ADAMTS17: variants seen among roughly 807,000 people sequenced by gnomAD.
ADAMTS17 encodes ADAM metallopeptidase with thrombospondin type 1 motif 17, also known as A disintegrin and metalloproteinase with thrombospondin motifs 17.
In ADAMTS17, 113 loss-of-function variants were observed where a neutral mutation model predicts 141.5. The ratio of observed to expected loss-of-function variants is 0.80; its 90% CI spans 0.69 to 0.93. The LOEUF (loss-of-function observed/expected upper bound fraction) is 0.93, where lower values mean the gene tolerates loss of function less well. Ranked by LOEUF, ADAMTS17 falls within the 40% of genes least tolerant of loss-of-function variation. ADAMTS17 has a pLI of 0.00. For synonymous variants in ADAMTS17, 768 were observed against 630.6 expected, an observed-to-expected ratio of 1.22 and a Z score of -3.27; for missense variants, 1,659 against 1,517.9, an observed-to-expected ratio of 1.09 and a Z score of -1.54.
At chr15:100,076,433 T>A (rs1229854635) in intron 15 of ADAMTS17, among the ~76,000 whole-genome samples, 6 of 152,208 alleles carry the variant, frequency 3.9e-5, no homozygotes, top group Non-Finnish European at 7.3e-5. Flanking sequence ...TTTTCCTTGG[T>A]AAGATTTTGC....
chr15:100,112,689 C>T (rs1236396258), intron 13 of ADAMTS17, among the ~76,000 whole-genome samples: 5 of 152,114 alleles, frequency 3.3e-5, no homozygotes, highest in Non-Finnish European at 2.9e-5. Flanking sequence ...AGGAAGGAAG[C>T]TTGGAACGTG....
intron 14 of ADAMTS17, among the ~76,000 whole-genome samples, chr15:100,102,746 T>A (rs1262070407): frequency 6.6e-6 from 1 of 152,174 alleles, no homozygotes; most frequent in Non-Finnish European, 1.5e-5. Flanking sequence ...GAGACCTCCC[T>A]GCCTGCTCTG....
intron 8 of ADAMTS17, 31 bp from the exon 9 acceptor site, chr15:100,155,351 A>G (rs1439101792): frequency 1.2e-6 from 2 of 1,605,334 alleles, no homozygotes; most frequent in African/African-American, 2.7e-5. Flanking sequence ...AGGGATGCTT[A>G]TGCTACAAGC....
At chr15:100,072,986 A>G (rs1400675867) in intron 15 of ADAMTS17, among the ~76,000 whole-genome samples, 3 of 152,340 alleles carry the variant, frequency 2.0e-5, no homozygotes, top group East Asian at 3.9e-4. Flanking sequence ...GGCAACCTGC[A>G]GAATGGGAGA....
intron 3 of ADAMTS17, among the ~76,000 whole-genome samples, chr15:100,282,282 C>T (rs1296551013): frequency 1.3e-5 from 2 of 152,226 alleles, no homozygotes; most frequent in Non-Finnish European, 2.9e-5. Context: ...CTGCTACACA[C>T]AGTCTACATA....
intron 2 of ADAMTS17, 129 bp downstream of exon 2, chr15:100,340,910 C>CAGGGG: frequency 7.2e-7 from 1 of 1,395,702 alleles, no homozygotes. Context: ...GGTGGAAAGG[C>CAGGGG]AGGGGGTTCC....
chr15:100,164,840 C>T (rs2039884101), intron 8 of ADAMTS17, among the ~76,000 whole-genome samples: 1 of 152,154 alleles, frequency 6.6e-6, no homozygotes, highest in Non-Finnish European at 1.5e-5. Context: ...GTCTTAGAGG[C>T]CCACTGTTCT....
Position 100,132,109 on chromosome 15 carries a change from T to A in ADAMTS17, c.1619A>T (p.Glu540Val), listed in dbSNP as rs201469617. Residue 540 changes from glutamate (E) to valine (V), a missense_variant, in exon 12 of 22, where the codon GAG becomes GTG. Glu to Val is a moderately radical substitution (Grantham distance 121). Coordinates refer to ENST00000268070, the MANE Select transcript of ADAMTS17 (RefSeq NM_139057.4). ...CGGGCTCCAGTCTCCGTCCACATGC[T>A]CCGGGATGGGCGTCTTGCTCACGCA... ...GECVSKTPIPEHVDGDWSPWG... is the reference protein window; with the variant it reads ...GECVSKTPIPVHVDGDWSPWG... The A allele has an allele frequency of 3.0e-5, 48 of 1,614,068 alleles. No homozygotes were observed. In the East Asian group the frequency reaches 1.1e-3, roughly 36 times the overall value.
intron 15 of ADAMTS17, among the ~76,000 whole-genome samples, chr15:100,091,718 C>A (rs930703145): frequency 1.3e-5 from 2 of 152,128 alleles, no homozygotes; most frequent in East Asian, 3.8e-4. Flanking sequence ...GAAAAGGTAC[C>A]ATGATGGACT....
At chr15:100,098,100 T>C (rs2035872228) in intron 14 of ADAMTS17, among the ~76,000 whole-genome samples, 2 of 152,282 alleles carry the variant, frequency 1.3e-5, no homozygotes, top group Middle Eastern at 3.4e-3. Context: ...TTGAAGGCTT[T>C]AGTGGCCAGA....
intron 4 of ADAMTS17, among the ~76,000 whole-genome samples, chr15:100,278,309 T>A (rs549890937): frequency 1.4e-5 from 2 of 146,240 alleles, no homozygotes; most frequent in Admixed American, 1.4e-4. Context: ...AATTTCGTAT[T>A]ACATATGCAT....
In ADAMTS17 at chr15:100,054,015, C is replaced by A; in HGVS notation, c.2177G>T (p.Trp726Leu). The A allele has an allele frequency of 2.5e-6, 4 of 1,614,172 alleles. No homozygotes were observed. Among genetic ancestry groups the A allele is most frequent in the Non-Finnish European group, 3.4e-6 (4 of 1,180,030 alleles). Residue 726 changes from tryptophan (W) to leucine (L), a missense_variant, in exon 16 of 22, where the codon TGG becomes TTG. By Grantham distance (61) the Trp-to-Leu change is moderately conservative. Transcript: ENST00000268070. ...GAACTCTCCGGGGAGCTCTATCTTCCAGTCACTGTTGATGGACCCCTTACC... is the reference window on the plus strand; with the variant it reads ...GAACTCTCCGGGGAGCTCTATCTTCAAGTCACTGTTGATGGACCCCTTACC... ...DSGKGSINSD[W>L]KIELPGEFQI... is the part of the protein sequence containing the mutation.
intron 18 of ADAMTS17, among the ~76,000 whole-genome samples, chr15:100,046,692 C>T (rs1272050718): frequency 6.6e-6 from 1 of 152,172 alleles, no homozygotes; most frequent in African/African-American, 2.4e-5. Context: ...TTCATGGACA[C>T]TTATCACTTC....
At chr15:100,162,036 A>C (rs1301689475) in intron 8 of ADAMTS17, among the ~76,000 whole-genome samples, 1 of 152,320 alleles carries the variant, frequency 6.6e-6, no homozygotes, top group Middle Eastern at 3.4e-3. Flanking sequence ...AATCATCCTA[A>C]AACAGTACAA....
intron 18 of ADAMTS17, among the ~76,000 whole-genome samples, chr15:100,031,601 A>G (rs2030172037): frequency 6.6e-6 from 1 of 152,224 alleles, no homozygotes; most frequent in Admixed American, 6.5e-5. Flanking sequence ...TGTCCAGACC[A>G]GACATCTGTC....
intron 2 of ADAMTS17, among the ~76,000 whole-genome samples, chr15:100,336,185 CA>C (rs1299182707): frequency 4.6e-5 from 7 of 152,350 alleles, no homozygotes; most frequent in African/African-American, 1.7e-4. Flanking sequence ...TGCTGGTGGG[CA>C]GCCTGGTGCA....
chr15:99,974,335 G>A lies in ADAMTS17; in HGVS notation c.*67C>T, dbSNP rs2060273885. 6.2e-7 allele frequency: 1 copy of A among 1,605,904 alleles called. No homozygotes were observed. The highest frequency in any genetic ancestry group is 1.7e-5 in the Admixed American group (1 of 60,010). On this transcript the variant is annotated 3_prime_UTR_variant, in exon 22 of 22. Coordinates refer to ENST00000268070, the MANE Select transcript of ADAMTS17 (RefSeq NM_139057.4). ...CGGGTGGGGGCGTGGCCACAAGGCT[G>A]GTAGGCTTGCGGGTGGGTGGGTTTC...
chr15:100,182,979 G>A (rs921995950), intron 8 of ADAMTS17, among the ~76,000 whole-genome samples: 1 of 151,882 alleles, frequency 6.6e-6, no homozygotes, highest in Non-Finnish European at 1.5e-5. Context: ...CTTTGCTTCT[G>A]GGATTCTTTT....
chr15:100,107,504 C>T (rs1037269682), intron 14 of ADAMTS17, among the ~76,000 whole-genome samples: 2 of 152,218 alleles, frequency 1.3e-5, no homozygotes, highest in East Asian at 1.9e-4. Context: ...GAGGGCAGAG[C>T]GCTCCCTGGG....
Sources: allele counts gnomAD v4.1 joint callset (sites outside exome capture counted in the v4.1 genomes callset), GRCh38; gene constraint gnomAD v4.1.1; transcripts MANE v1.5; gene names NCBI Gene and HGNC (gene_info 2026-07-23, HGNC 2026-07-21).